SUPT6H: variants seen among roughly 807,000 people sequenced by gnomAD.
SUPT6H encodes SPT6 homolog, histone chaperone and transcription elongation factor, also known as transcription elongation factor SPT6.
Under a neutral mutation model 222.3 loss-of-function variants are expected in SUPT6H, and 11 were observed. The observed-to-expected ratio is 0.05, with a 90% CI of 0.03 to 0.08. The LOEUF (loss-of-function observed/expected upper bound fraction) is 0.08, where lower values mean the gene tolerates loss of function less well. Among genes scored for constraint, SUPT6H ranks in the 10% least tolerant of loss-of-function variants. The pLI is 1.00. For synonymous variants in SUPT6H, 762 were observed against 801.2 expected, an observed-to-expected ratio of 0.95 and a Z score of 0.83; for missense variants, 1,422 against 2,216.0, an observed-to-expected ratio of 0.64 and a Z score of 7.19.
At chr17:28,678,665 TG>T (rs1388397068) in intron 10 of SUPT6H, 31 bp downstream of exon 10, 1 of 1,610,694 alleles carries the variant, frequency 6.2e-7, no homozygotes, top group Non-Finnish European at 8.5e-7. Flanking sequence ...CCAAGAGGTG[TG>T]GGCCAGGGAA....
intron 26 of SUPT6H, 107 bp downstream of exon 26, chr17:28,690,336 G>A (rs2031583006): frequency 7.2e-7 from 1 of 1,394,952 alleles, no homozygotes; most frequent in Non-Finnish European, 9.8e-7. Flanking sequence ...TGTTGTACAT[G>A]GGGAAGGCCA....
chr17:28,672,021 C>T (rs1015335089), intron 1 of SUPT6H, among the ~76,000 whole-genome samples: 1 of 152,152 alleles, frequency 6.6e-6, no homozygotes, highest in Non-Finnish European at 1.5e-5. Context: ...TTTTTGCCTG[C>T]AAGGGGAGTA....
In SUPT6H at chr17:28,683,312, G is replaced by A. The variant is rs1240760890; in HGVS notation, c.1923G>A (p.Lys641=). 1.2e-6 allele frequency: 2 copies of A among 1,614,170 alleles called. No homozygotes were observed. The highest frequency in any genetic ancestry group is 2.2e-5 in the South Asian group (2 of 91,080). The change falls in exon 16 of 37, where the codon AAG becomes AAA. Residue 641 remains lysine (K), a synonymous_variant. Transcript: ENST00000314616. ...ATGCCTATTCCTTCAAGTATTTAAA[G>A]AACAAGCCTGTTAAGGAACTGAGAG... The part of the protein sequence containing the change: ...AHYAYSFKYL[K]NKPVKELRDD...
Position 28,684,849 on chromosome 17 carries a change from A to G in SUPT6H, c.2375A>G (p.His792Arg). The G allele has an allele frequency of 6.2e-7, 1 of 1,614,048 alleles. No individual in the cohort carries two copies. The highest frequency in any genetic ancestry group is 1.1e-5 in the South Asian group (1 of 91,074). The change falls in exon 19 of 37, where the codon CAC becomes CGC. Residue 792 changes from histidine (H) to arginine (R), a missense_variant. By Grantham distance (29) the His-to-Arg change is conservative. Transcript: ENST00000314616. ...TTTTTCTGTCTGTCTGGCAGAGATC[A>G]CCCTGTGTTCTGCGCCCTGGTCAAT... ...LGIAFSSARD[H>R]PVFCALVNGE...
At chr17:28,662,546 A>AC (rs944962366) in intron 1 of SUPT6H, among the ~76,000 whole-genome samples, 7 of 152,024 alleles carry the variant, frequency 4.6e-5, no homozygotes, top group African/African-American at 1.7e-4. Flanking sequence ...GCCCAGTGAC[A>AC]CCCGGAACCC....
chr17:28,686,220 T>A, intron 19 of SUPT6H, 119 bp from the exon 20 acceptor site: 1 of 897,228 alleles, frequency 1.1e-6, no homozygotes, highest in South Asian at 1.6e-5. Context: ...GGTAGCACCT[T>A]GGACCAGATA....
At chr17:28,667,919 A>C (rs1201226683) in intron 1 of SUPT6H, among the ~76,000 whole-genome samples, 1 of 151,884 alleles carries the variant, frequency 6.6e-6, no homozygotes, top group Non-Finnish European at 1.5e-5. Flanking sequence ...AAAAAAAAAA[A>C]CCCAGCAAAT....
At chr17:28,668,766 G>A (rs2030242190) in intron 1 of SUPT6H, among the ~76,000 whole-genome samples, 1 of 152,194 alleles carries the variant, frequency 6.6e-6, no homozygotes, top group Non-Finnish European at 1.5e-5. Context: ...AGCTATGTGT[G>A]GGGGCTGCCG....
At chr17:28,669,684 C>G (rs1032726461) in intron 1 of SUPT6H, among the ~76,000 whole-genome samples, 6 of 152,170 alleles carry the variant, frequency 3.9e-5, no homozygotes, top group Non-Finnish European at 8.8e-5. Flanking sequence ...CCTGTAGTCC[C>G]AGCACTTTGG....
chr17:28,695,579 C>G, intron 29 of SUPT6H, 32 bp downstream of exon 29: 1 of 1,595,382 alleles, frequency 6.3e-7, no homozygotes, highest in Non-Finnish European at 8.5e-7. Flanking sequence ...TCTGTGCACC[C>G]TGCATCTTGG....
Position 28,688,294 on chromosome 17 carries a change from A to G in SUPT6H, c.3134+76A>G. 1 of 1,506,556 alleles carries G rather than the reference A, an allele frequency of 6.6e-7. No individual in the cohort carries two copies. Among genetic ancestry groups the G allele is most frequent in the Non-Finnish European group, 8.9e-7 (1 of 1,122,758 alleles). The allele number at this position is 1,506,556 out of a possible 1,614,324, so 93.3% of individuals were successfully genotyped here. On this transcript the variant is annotated intron_variant, in intron 24 of 36. Transcript: ENST00000314616. The surrounding 1 kb of genome is among the most constrained non-coding windows in gnomAD (Gnocchi z 4.3). ...TTTTCGGGTTTCAGGGGTTAGGGCT[A>G]TCAAAGGGCCACAAGCCATTTTAAC...
chr17:28,692,321 C>CA lies in SUPT6H; in HGVS notation c.3633+1273dup, dbSNP rs764698257. Among the ~76,000 whole-genome samples the CA allele has an allele frequency of 1.7e-3, 184 of 109,968 alleles. 2 individuals are homozygous for CA. Among genetic ancestry groups the CA allele is most frequent in the South Asian group, 2.5e-3 (8 of 3,258 alleles). The allele number at this position is 109,968 out of a possible 152,430, so 72.1% of individuals were successfully genotyped here. On this transcript the variant is annotated intron_variant, in intron 27 of 36. Transcript: ENST00000314616. ...CCTGGGCGACAGCGAGACTCTGTCT[C>CA]AAAAAAAAAAAAAAAGTGGGGAGGG...
At chr17:28,690,777 A>G in intron 26 of SUPT6H, 144 bp from the exon 27 acceptor site, 1 of 957,104 alleles carries the variant, frequency 1.0e-6, no homozygotes, top group Non-Finnish European at 1.5e-6. Context: ...TCATCTCAAA[A>G]ATAAATAAAT....
intron 23 of SUPT6H, 138 bp from the exon 24 acceptor site, chr17:28,687,953 G>A: frequency 1.2e-6 from 1 of 841,858 alleles, no homozygotes; most frequent in African/African-American, 1.8e-5. Context: ...AATTTTGAGT[G>A]GTCGATAGCA....
chr17:28,681,043 C>A, intron 11 of SUPT6H: 1 of 511,044 alleles, frequency 2.0e-6, no homozygotes, highest in Non-Finnish European at 3.4e-6. Context: ...CTCAACCGCC[C>A]GGGTTCAAGT....
At chr17:28,685,772 C>T (rs888719167) in intron 19 of SUPT6H, among the ~76,000 whole-genome samples, 1 of 152,236 alleles carries the variant, frequency 6.6e-6, no homozygotes, top group Non-Finnish European at 1.5e-5. Context: ...GTGTGAGCCA[C>T]TGCACCCAGC....
intron 1 of SUPT6H, among the ~76,000 whole-genome samples, chr17:28,662,693 AGTT>A (rs1287120704): frequency 6.6e-6 from 1 of 152,152 alleles, no homozygotes; most frequent in African/African-American, 2.4e-5. Flanking sequence ...CAGGTGATCG[AGTT>A]GTTTGTTCTG....
At chr17:28,664,543 G>A (rs2029905841) in intron 1 of SUPT6H, among the ~76,000 whole-genome samples, 1 of 152,158 alleles carries the variant, frequency 6.6e-6, no homozygotes, top group African/African-American at 2.4e-5. Context: ...AATTCTCACA[G>A]GAATCCCGAG....
rs765752468 is a variant in SUPT6H at position 28,683,767 on chromosome 17, A to G, written c.2180A>G (p.Lys727Arg). 13 of 1,613,990 alleles carry G rather than the reference A, an allele frequency of 8.1e-6. No individual in the cohort carries two copies. In the Admixed American group the frequency reaches 1.2e-4, roughly 14 times the overall value. ...CAGTTCCTCTATGTGCAGATGGCCAAAGAACTCAAGAACAAGCTGCTGGCT... is the reference window on the plus strand; with the variant it reads ...CAGTTCCTCTATGTGCAGATGGCCAGAGAACTCAAGAACAAGCTGCTGGCT... ...LQQFLYVQMA[K>R]ELKNKLLAEA... Residue 727 changes from lysine (K) to arginine (R), a missense_variant, in exon 17 of 37, where the codon AAA (lysine) becomes AGA (arginine). Physicochemically the swap from Lys to Arg is conservative, Grantham distance 26. Transcript: ENST00000314616.
Sources: allele counts gnomAD v4.1 joint callset (sites outside exome capture counted in the v4.1 genomes callset), GRCh38; gene constraint gnomAD v4.1.1; non-coding constraint Gnocchi (gnomAD v3.1); transcripts MANE v1.5; gene names NCBI Gene and HGNC (gene_info 2026-07-23, HGNC 2026-07-21).